The following GALNT18 variants were observed in gnomAD, a reference collection of about 807,000 sequenced individuals.
GALNT18 encodes the protein GalNAc-transferase 18.
GALNT18 carries 44 observed loss-of-function variants against 69.5 expected under a neutral mutation model. That is an observed-to-expected ratio of 0.63 (90% CI 0.50 to 0.81). GALNT18 has a LOEUF of 0.81. GALNT18 is among the 40% of genes least tolerant of loss of function. GALNT18 has a pLI of 0.00. For synonymous variants in GALNT18, 364 were observed against 318.2 expected, an observed-to-expected ratio of 1.14 and a Z score of -1.53; for missense variants, 715 against 810.0, an observed-to-expected ratio of 0.88 and a Z score of 1.42.
intron 1 of GALNT18, among the ~76,000 whole-genome samples, chr11:11,607,073 C>T (rs538867406): frequency 3.3e-5 from 5 of 152,306 alleles, no homozygotes; most frequent in East Asian, 3.9e-4. Context: ...CACTGAGCTG[C>T]GCAACACAAT....
At position 11,413,963 on chromosome 11, in the gene GALNT18, T is replaced by C. The variant is rs1854793243; in HGVS notation, c.595+18658A>G. 6.6e-6 allele frequency among the ~76,000 whole-genome samples: 1 copy of C among 152,226 alleles called. No homozygotes were observed. The highest frequency in any genetic ancestry group is 1.5e-5 in the Non-Finnish European group (1 of 68,036). On this transcript the variant is annotated intron_variant, in intron 3 of 10. Coordinates refer to ENST00000227756, the MANE Select transcript of GALNT18 (RefSeq NM_198516.3). The surrounding 1 kb of genome is among the most constrained non-coding windows in gnomAD (Gnocchi z 4.7). ...TGGATCTTACTCACCAAACCTGTTC[T>C]TCCTCTAATTCTGTCTGGCCCATCT... is the stretch of plus-strand genomic sequence containing the variant.
intron 1 of GALNT18, among the ~76,000 whole-genome samples, chr11:11,558,630 T>C (rs955563583): frequency 6.6e-6 from 1 of 152,134 alleles, no homozygotes; most frequent in Non-Finnish European, 1.5e-5. Context: ...AGGCTCAGAG[T>C]TTCCTGGCTG....
chr11:11,459,648 G>A lies in GALNT18; in HGVS notation c.236-10712C>T, dbSNP rs1258231789. Among the ~76,000 whole-genome samples the A allele has an allele frequency of 1.3e-5, 2 of 152,204 alleles. No homozygotes were observed. The highest frequency in any genetic ancestry group is 4.8e-5 in the African/African-American group (2 of 41,450). On this transcript the variant is annotated intron_variant, in intron 1 of 10. Transcript: ENST00000227756. This position sits in a 1 kb window ranked among gnomAD's most constrained non-coding sequence, Gnocchi z 5.0. ...CTTAAACCTCTCTGAAGCTCAGCTTGCTGTCGAATGTGGATAATAATGTCT... is the reference window on the plus strand; with the variant it reads ...CTTAAACCTCTCTGAAGCTCAGCTTACTGTCGAATGTGGATAATAATGTCT...
intron 1 of GALNT18, among the ~76,000 whole-genome samples, chr11:11,487,286 T>C (rs1028777823): frequency 2.0e-5 from 3 of 152,168 alleles, no homozygotes; most frequent in African/African-American, 4.8e-5. Context: ...GGGTGAAGGA[T>C]GAAAGACTAC....
chr11:11,515,704 C>T (rs536062520), intron 1 of GALNT18, among the ~76,000 whole-genome samples: 6 of 152,186 alleles, frequency 3.9e-5, no homozygotes, highest in African/African-American at 1.4e-4. Flanking sequence ...CCAGATGAAA[C>T]CTAACCAAAG....
rs142512461 is a variant in GALNT18 at position 11,452,020 on chromosome 11, T to C, written c.236-3084A>G. 7.7e-4 allele frequency among the ~76,000 whole-genome samples: 117 copies of C among 152,180 alleles called. 1 individual carries two copies. The highest frequency in any genetic ancestry group is 2.6e-3 in the African/African-American group (108 of 41,504). On this transcript the variant is annotated intron_variant, in intron 1 of 10. Coordinates refer to ENST00000227756, the MANE Select transcript of GALNT18 (RefSeq NM_198516.3). ...TTTGGAGCTGAAGAGCAGAGTTGAG[T>C]ATGTATGACAGAGATGATATGACCC...
intron 7 of GALNT18, among the ~76,000 whole-genome samples, chr11:11,333,296 G>A (rs929259303): frequency 1.3e-5 from 2 of 152,038 alleles, no homozygotes; most frequent in African/African-American, 4.8e-5. Flanking sequence ...AACAGCTAAG[G>A]TTTAAACATT....
rs978903588 is a variant in GALNT18 at position 11,454,530 on chromosome 11, A to T, written c.236-5594T>A. On this transcript the variant is annotated intron_variant, in intron 1 of 10. Transcript: ENST00000227756. The surrounding 1 kb of genome is among the most constrained non-coding windows in gnomAD (Gnocchi z 4.2). ...TGCCTCTCTCTCTCTCTCTCTTTCA[A>T]ATCTCACCAAGTAAGGCTCAGAATC... Among the ~76,000 whole-genome samples the T allele has an allele frequency of 2.5e-4, 38 of 151,552 alleles. No homozygotes were observed. The highest frequency in any genetic ancestry group is 8.7e-4 in the African/African-American group (36 of 41,200).
Position 11,494,066 on chromosome 11 carries a change from T to C in GALNT18, c.236-45130A>G, listed in dbSNP as rs989031048. ...TTGTAAAAGTAGCTCAGAGTGCTGC[T>C]GCAAGGATTTAGTGAAGCCATGCAT... On this transcript the variant is annotated intron_variant, in intron 1 of 10. Coordinates refer to ENST00000227756, the MANE Select transcript of GALNT18 (RefSeq NM_198516.3). The surrounding 1 kb of genome is among the most constrained non-coding windows in gnomAD (Gnocchi z 5.7). Among the ~76,000 whole-genome samples, 1 of 152,210 alleles carries C rather than the reference T, an allele frequency of 6.6e-6. No individual in the cohort carries two copies. The highest frequency in any genetic ancestry group is 6.5e-5 in the Admixed American group (1 of 15,268).
chr11:11,364,969 T>C (rs547478065), intron 6 of GALNT18, among the ~76,000 whole-genome samples: 432 of 152,238 alleles, frequency 2.8e-3, no homozygotes, highest in African/African-American at 1.0e-2. Flanking sequence ...ACTGTTTTTG[T>C]ATATATTCGA....
At chr11:11,441,276 G>C (rs893424683) in intron 2 of GALNT18, among the ~76,000 whole-genome samples, 4 of 152,198 alleles carry the variant, frequency 2.6e-5, no homozygotes, top group Non-Finnish European at 4.4e-5. Context: ...TAGTTAAAGA[G>C]TAATTCCCCT....
rs529395077 is a variant in GALNT18, at chr11:11,428,399, G to T, written c.595+4222C>A. Among the ~76,000 whole-genome samples the T allele has an allele frequency of 2.0e-5, 3 of 152,332 alleles. No individual in the cohort carries two copies. In the East Asian group the frequency reaches 5.8e-4, roughly 29 times the overall value. ...CCATTCCACATGGGAACTCTAGCCA[G>T]GGCCAGGCCCCTTCCCACCATGTCT... On this transcript the variant is annotated intron_variant, in intron 3 of 10. Coordinates refer to ENST00000227756, the MANE Select transcript of GALNT18 (RefSeq NM_198516.3).
rs1030227887 is a variant in GALNT18 at position 11,338,883 on chromosome 11, G to A, written c.1278+1936C>T. 6.6e-6 allele frequency among the ~76,000 whole-genome samples: 1 copy of A among 152,092 alleles called. No individual in the cohort carries two copies. The highest frequency in any genetic ancestry group is 1.5e-5 in the Non-Finnish European group (1 of 68,022). Reference sequence around the variant, plus strand: ...GAAGAGTTAGGAATAAATGGAGAGAGATAAGATTCCAGGGTGTGGAATCAT... The same window carrying A: ...GAAGAGTTAGGAATAAATGGAGAGAAATAAGATTCCAGGGTGTGGAATCAT... On this transcript the variant is annotated intron_variant, in intron 7 of 10. Coordinates refer to ENST00000227756, the MANE Select transcript of GALNT18 (RefSeq NM_198516.3). This position sits in a 1 kb window ranked among gnomAD's most constrained non-coding sequence, Gnocchi z 5.3.
intron 1 of GALNT18, among the ~76,000 whole-genome samples, chr11:11,453,957 G>A (rs1341711663): frequency 6.6e-6 from 1 of 152,226 alleles, no homozygotes; most frequent in Non-Finnish European, 1.5e-5. Context: ...ACGTGGCTCT[G>A]TGAGGTCAGG....
chr11:11,532,663 T>C (rs1302732400), intron 1 of GALNT18, among the ~76,000 whole-genome samples: 3 of 152,218 alleles, frequency 2.0e-5, no homozygotes, highest in Non-Finnish European at 4.4e-5. Flanking sequence ...ATGGAATATG[T>C]CTATGGCTGC....
In GALNT18 at chr11:11,584,552, G is replaced by A. The variant is rs1029906398; in HGVS notation, c.235+36807C>T. 6.6e-6 allele frequency among the ~76,000 whole-genome samples: 1 copy of A among 152,208 alleles called. No homozygotes were observed. Among genetic ancestry groups the A allele is most frequent in the South Asian group, 2.1e-4 (1 of 4,828 alleles). ...GTAAGGACCGAGAGGCGAGTCTTCA[G>A]TGAAACACCCACAGAGAGCCGTTTG... On this transcript the variant is annotated intron_variant, in intron 1 of 10. Transcript: ENST00000227756. This position sits in a 1 kb window ranked among gnomAD's most constrained non-coding sequence, Gnocchi z 4.1.
At chr11:11,295,308 A>T (rs1315455180) in intron 9 of GALNT18, among the ~76,000 whole-genome samples, 1 of 152,168 alleles carries the variant, frequency 6.6e-6, no homozygotes, top group Non-Finnish European at 1.5e-5. Flanking sequence ...GTATGTAATA[A>T]AGGCACCATT....
intron 2 of GALNT18, among the ~76,000 whole-genome samples, chr11:11,433,143 T>C (rs1033413950): frequency 2.6e-5 from 4 of 152,250 alleles, no homozygotes; most frequent in Non-Finnish European, 5.9e-5. Flanking sequence ...GCAACCAAAG[T>C]AAATTCGTAG....
chr11:11,273,480 C>T (rs1848869461), intron 10 of GALNT18, among the ~76,000 whole-genome samples: 1 of 152,062 alleles, frequency 6.6e-6, no homozygotes, highest in Non-Finnish European at 1.5e-5. Context: ...GAAAAGTAAG[C>T]AAAAACTATA....
Sources: allele counts gnomAD v4.1 joint callset (sites outside exome capture counted in the v4.1 genomes callset), GRCh38; gene constraint gnomAD v4.1.1; non-coding constraint Gnocchi (gnomAD v3.1); transcripts MANE v1.5; gene names NCBI Gene and HGNC (gene_info 2026-07-23, HGNC 2026-07-21).